Variants in DPP6 observed in about 807,000 individuals in gnomAD.
DPP6 encodes the protein A-type potassium channel modulatory protein DPP6.
DPP6 carries 69 observed loss-of-function variants against 122.6 expected under a neutral mutation model. The ratio of observed to expected loss-of-function variants is 0.56; its 90% confidence interval spans 0.46 to 0.69. The LOEUF (loss-of-function observed/expected upper bound fraction) is 0.69, where lower values mean the gene tolerates loss of function less well. Ranked by LOEUF, DPP6 falls within the 30% of genes least tolerant of loss-of-function variation. The probability of loss-of-function intolerance (pLI) is 0.00; values close to 1 mark genes in which losing one functional copy is unlikely to be tolerated. For synonymous variants in DPP6, 418 were observed against 433.1 expected (o/e 0.97, Z 0.43); for missense variants, 928 against 1,116.9 (o/e 0.83, Z 2.41).
intron 13 of DPP6, among the ~76,000 whole-genome samples, chr7:154,803,073 G>A (rs1473300126): frequency 5.9e-5 from 9 of 151,968 alleles, no homozygotes; most frequent in South Asian, 2.1e-4. Context: ...TCTCCTACAC[G>A]CTGTCTGCGC....
At chr7:154,422,741 A>G (rs1339015661) in intron 1 of DPP6, among the ~76,000 whole-genome samples, 1 of 107,010 alleles carries the variant, frequency 9.3e-6, no homozygotes, top group African/African-American at 3.6e-5. Context: ...GGTTGAGTGG[A>G]TGGGTGGGTG....
Position 154,326,060 on chromosome 7 carries a change from A to T in DPP6, c.244-120154A>T, listed in dbSNP as rs140516810. ...GTGAAGGCTATCTCAGATATGTATG[A>T]CCTTACCTCCTTGCCTTTAGGAAAA... On this transcript the variant is annotated intron_variant, in intron 1 of 25. Transcript: ENST00000377770. 2.2e-4 allele frequency among the ~76,000 whole-genome samples: 33 copies of T among 152,268 alleles called. No individual in the cohort carries two copies. The East Asian group carries it at 6.4e-3, about 29-fold the overall frequency.
At chr7:154,313,685 G>GTATATATATATATATATATATA (rs1170662489) in intron 1 of DPP6, among the ~76,000 whole-genome samples, 1 of 20,472 alleles carries the variant, frequency 4.9e-5, no homozygotes, top group African/African-American at 1.3e-4. Flanking sequence ...TTAAGATATG[G>GTATATATATATATATATATATA]TATATATATA....
intron 1 of DPP6, among the ~76,000 whole-genome samples, chr7:154,091,576 T>G (rs1310999349): frequency 6.6e-6 from 1 of 152,028 alleles, no homozygotes; most frequent in African/African-American, 2.4e-5. Context: ...TCTCGCGGTA[T>G]AACAATGGCA....
At chr7:154,349,275 A>G (rs1028401786) in intron 1 of DPP6, among the ~76,000 whole-genome samples, 1 of 152,240 alleles carries the variant, frequency 6.6e-6, no homozygotes, top group Non-Finnish European at 1.5e-5. Flanking sequence ...TCCCAGGTTC[A>G]AGTGATGCTT....
In DPP6 at chr7:154,189,588, G is replaced by A. The variant is rs115070361; in HGVS notation, c.243+136525G>A. 4.7e-3 allele frequency among the ~76,000 whole-genome samples: 723 copies of A among 152,286 alleles called. 6 individuals are homozygous for A. Among genetic ancestry groups the A allele is most frequent in the African/African-American group, 0.016 (666 of 41,556 alleles). On this transcript the variant is annotated intron_variant, in intron 1 of 25. Coordinates refer to ENST00000377770, the MANE Select transcript of DPP6 (RefSeq NM_130797.4). The stretch of plus-strand genomic sequence containing the variant: ...ATGTGGGAGAGGTCATGGGGTTGCA[G>A]TGGTACATTTGGAAAAAGAAAAAAT...
intron 1 of DPP6, among the ~76,000 whole-genome samples, chr7:154,236,002 G>A (rs1213320324): frequency 9.9e-5 from 15 of 152,002 alleles, no homozygotes; most frequent in Non-Finnish European, 1.5e-4. Context: ...ATGTGCGTGC[G>A]CCACTACTCC....
In DPP6 at chr7:154,893,451, T is replaced by TAAAAAAAAAAAAAAAAAAAAAA. The variant is rs775016101; in HGVS notation, c.*971_*972insAAAAAAAAAAAAAAAAAAAAAA. Reference sequence around the variant, plus strand: ...CAAGCTCTTTCCCATGACATTTGGTTTAAAAAAAAAAAAAAAAAAAAAAAA... The same window carrying TAAAAAAAAAAAAAAAAAAAAAA: ...CAAGCTCTTTCCCATGACATTTGGTTAAAAAAAAAAAAAAAAAAAAAATAAAAAAAAAAAAAAAAAAAAAAAA... On this transcript the variant is annotated 3_prime_UTR_variant, in exon 26 of 26. Coordinates refer to ENST00000377770, the MANE Select transcript of DPP6 (RefSeq NM_130797.4). 10 of 61,334 alleles carry TAAAAAAAAAAAAAAAAAAAAAA rather than the reference T, an allele frequency of 1.6e-4. 1 individual carries two copies. The highest frequency in any genetic ancestry group is 5.0e-4 in the African/African-American group (10 of 19,890). 3.8% of individuals were successfully genotyped at this position (61,334 alleles called of 1,614,324 possible).
At chr7:154,227,674 C>T (rs1800690749) in intron 1 of DPP6, among the ~76,000 whole-genome samples, 1 of 148,136 alleles carries the variant, frequency 6.8e-6, no homozygotes, top group African/African-American at 2.6e-5. Context: ...CTCTCCCCTA[C>T]ACTGTTGACA....
chr7:154,060,301 C>A (rs1488912128), intron 1 of DPP6, among the ~76,000 whole-genome samples: 1 of 133,344 alleles, frequency 7.5e-6, no homozygotes, highest in Admixed American at 7.4e-5. Context: ...CCTCTTCCCC[C>A]CCTGGCTCTT....
chr7:154,542,738 T>C (rs1828831972), intron 4 of DPP6, among the ~76,000 whole-genome samples: 1 of 152,228 alleles, frequency 6.6e-6, no homozygotes, highest in South Asian at 2.1e-4. Context: ...ATGGATTCAT[T>C]ATTCCTTTCT....
intron 1 of DPP6, among the ~76,000 whole-genome samples, chr7:154,041,773 T>G (rs1799779760): frequency 6.6e-6 from 1 of 152,184 alleles, no homozygotes; most frequent in Admixed American, 6.5e-5. Context: ...TTTGTTTGTT[T>G]GAGACAGAGT....
intron 8 of DPP6, among the ~76,000 whole-genome samples, chr7:154,756,834 G>A (rs1052783737): frequency 5.9e-5 from 9 of 152,020 alleles, no homozygotes; most frequent in Non-Finnish European, 8.8e-5. Context: ...CATTAGGCCC[G>A]CCACAATCAA....
intron 2 of DPP6, among the ~76,000 whole-genome samples, chr7:154,454,045 T>C (rs1466229288): frequency 6.6e-6 from 1 of 152,238 alleles, no homozygotes; most frequent in Non-Finnish European, 1.5e-5. Flanking sequence ...TCCGTATCTT[T>C]TGGGCATTTT....
intron 17 of DPP6, among the ~76,000 whole-genome samples, chr7:154,858,938 A>T (rs570683174): frequency 6.6e-6 from 1 of 152,208 alleles, no homozygotes; most frequent in East Asian, 1.9e-4. Context: ...TCAACAATTC[A>T]TCTGAGATCC....
At chr7:154,864,307 G>A (rs1003350769) in intron 17 of DPP6, among the ~76,000 whole-genome samples, 1 of 152,078 alleles carries the variant, frequency 6.6e-6, no homozygotes, top group Non-Finnish European at 1.5e-5. Flanking sequence ...TGAACCTGCC[G>A]GGCCACTTGG....
intron 7 of DPP6, among the ~76,000 whole-genome samples, chr7:154,699,492 G>C (rs1272404439): frequency 1.3e-5 from 2 of 152,160 alleles, no homozygotes; most frequent in African/African-American, 4.8e-5. Flanking sequence ...CACAATATTT[G>C]TGTTTTGGTT....
At chr7:153,997,557 GA>G (rs1211584720) in intron 1 of DPP6, among the ~76,000 whole-genome samples, 13 of 150,260 alleles carry the variant, frequency 8.7e-5, no homozygotes, top group African/African-American at 2.5e-4. Flanking sequence ...CCCTATAATA[GA>G]GGATTTTTTT....
chr7:154,619,957 A>G (rs1001967913), intron 5 of DPP6, among the ~76,000 whole-genome samples: 3 of 152,248 alleles, frequency 2.0e-5, no homozygotes, highest in Non-Finnish European at 4.4e-5. Context: ...CACTTGAAGT[A>G]TCTGCACAGC....
Sources: gnomAD v4.1 joint callset for allele counts (sites outside exome capture counted in the v4.1 genomes callset) on GRCh38, gnomAD v4.1.1 for gene constraint, MANE v1.5 for transcripts, NCBI Gene and HGNC (gene_info 2026-07-23, HGNC 2026-07-21) for gene names.